Variants in TMCO1 observed in about 807,000 individuals in gnomAD.
TMCO1 encodes the protein calcium load-activated calcium channel.
Under a neutral mutation model 29.3 loss-of-function variants are expected in TMCO1, and 29 were observed. The ratio of observed to expected loss-of-function variants is 0.99; its 90% confidence interval spans 0.74 to 1.35. The LOEUF is 1.35. Among genes scored for constraint, TMCO1 ranks in the 40% most tolerant of loss-of-function variants. TMCO1 has a pLI of 0.00. For missense variants in TMCO1, 173 were observed against 225.5 expected, an observed-to-expected ratio of 0.77 and a Z score of 1.49; for synonymous variants, 80 against 77.1, an observed-to-expected ratio of 1.04 and a Z score of -0.20.
At chr1:165,741,836 C>T (rs1365123639) in intron 6 of TMCO1, among the ~76,000 whole-genome samples, 4 of 152,194 alleles carry the variant, frequency 2.6e-5, no homozygotes, top group African/African-American at 9.6e-5. Context: ...CCACCTCTCT[C>T]TCTTGTTCCT....
intron 5 of TMCO1, among the ~76,000 whole-genome samples, chr1:165,744,830 T>C (rs1571219321): frequency 1.3e-5 from 2 of 151,586 alleles, no homozygotes; most frequent in South Asian, 4.2e-4. Context: ...TCTAAAATCC[T>C]GTTATTTCAA....
intron 3 of TMCO1, among the ~76,000 whole-genome samples, chr1:165,757,331 A>G (rs929105520): frequency 6.6e-6 from 1 of 152,234 alleles, no homozygotes; most frequent in Non-Finnish European, 1.5e-5. Flanking sequence ...GCGTTTTATG[A>G]AGTCCAAAAT....
chr1:165,768,577 C>T, intron 1 of TMCO1, 105 bp downstream of exon 1: 2 of 1,592,770 alleles, frequency 1.3e-6, no homozygotes, highest in Non-Finnish European at 1.7e-6. Context: ...GTAGATGAGC[C>T]TCTCAAGCAA....
chr1:165,758,735 G>A (rs1398695119), intron 3 of TMCO1, among the ~76,000 whole-genome samples: 2 of 90,210 alleles, frequency 2.2e-5, no homozygotes, highest in Non-Finnish European at 5.8e-5. Context: ...GACACATACA[G>A]CGTAAATGTT....
At chr1:165,752,465 C>G (rs970304280) in intron 4 of TMCO1, among the ~76,000 whole-genome samples, 3 of 151,650 alleles carry the variant, frequency 2.0e-5, no homozygotes, top group African/African-American at 7.3e-5. Context: ...CCGTGTTAGC[C>G]AGGATGGTCT....
chr1:165,741,343 T>A (rs1359608386), intron 6 of TMCO1, among the ~76,000 whole-genome samples: 1 of 152,226 alleles, frequency 6.6e-6, no homozygotes, highest in Non-Finnish European at 1.5e-5. Context: ...ACTATTATAA[T>A]AGTCTTTTGA....
chr1:165,730,815 A>C (rs936579184), intron 6 of TMCO1, among the ~76,000 whole-genome samples: 1 of 151,118 alleles, frequency 6.6e-6, no homozygotes, highest in Non-Finnish European at 1.5e-5. Flanking sequence ...GCTGGTCTCA[A>C]ACTCTTGGGC....
At chr1:165,746,985 G>A (rs1651821864) in intron 5 of TMCO1, among the ~76,000 whole-genome samples, 2 of 152,266 alleles carry the variant, frequency 1.3e-5, no homozygotes, top group South Asian at 4.1e-4. Flanking sequence ...AACCTGCTGG[G>A]CATGGTGGCT....
chr1:165,735,295 T>C (rs900372839), intron 6 of TMCO1, among the ~76,000 whole-genome samples: 4 of 152,188 alleles, frequency 2.6e-5, no homozygotes, highest in Non-Finnish European at 5.9e-5. Context: ...ATGTTTTATT[T>C]TTTGAAAATC....
intron 2 of TMCO1, among the ~76,000 whole-genome samples, chr1:165,763,193 T>A (rs895234864): frequency 5.9e-5 from 9 of 152,226 alleles, no homozygotes; most frequent in African/African-American, 2.2e-4. Context: ...CTTGCTTAAA[T>A]TCATACTACG....
intron 6 of TMCO1, among the ~76,000 whole-genome samples, chr1:165,737,627 A>G (rs190649825): frequency 6.6e-6 from 1 of 152,346 alleles, no homozygotes; most frequent in Non-Finnish European, 1.5e-5. Context: ...ATTACTTACG[A>G]GGACACAAAG....
chr1:165,761,043 T>C (rs1462130383), intron 2 of TMCO1, among the ~76,000 whole-genome samples: 1 of 152,180 alleles, frequency 6.6e-6, no homozygotes, highest in Non-Finnish European at 1.5e-5. Context: ...TACATGAAGT[T>C]TGTCCCTGAA....
intron 2 of TMCO1, among the ~76,000 whole-genome samples, chr1:165,760,039 G>C (rs1267906426): frequency 2.6e-5 from 4 of 152,008 alleles, no homozygotes; most frequent in African/African-American, 9.7e-5. Context: ...ACCTTCTAAA[G>C]AATAATCTAG....
intron 6 of TMCO1, among the ~76,000 whole-genome samples, chr1:165,738,033 C>A (rs527691545): frequency 4.6e-5 from 7 of 152,284 alleles, no homozygotes; most frequent in African/African-American, 1.7e-4. Flanking sequence ...TGGAAAGCTG[C>A]CAGGCGTTCA....
chr1:165,764,290 T>C (rs946811397), intron 2 of TMCO1, among the ~76,000 whole-genome samples: 3 of 152,224 alleles, frequency 2.0e-5, no homozygotes, highest in Admixed American at 6.5e-5. Context: ...GTATCTAATA[T>C]GTGCCAGGCA....
intron 6 of TMCO1, among the ~76,000 whole-genome samples, chr1:165,739,100 T>C (rs899228489): frequency 6.6e-6 from 1 of 152,188 alleles, no homozygotes; most frequent in African/African-American, 2.4e-5. Flanking sequence ...AAATTTTTTG[T>C]GTTTTTTGCT....
chr1:165,741,691 T>C (rs559933884), intron 6 of TMCO1, among the ~76,000 whole-genome samples: 15 of 152,340 alleles, frequency 9.8e-5, no homozygotes, highest in African/African-American at 1.9e-4. Flanking sequence ...TCCAGGGTGA[T>C]AATGGTTTGA....
At chr1:165,748,975 T>G (rs761079243) in intron 5 of TMCO1, among the ~76,000 whole-genome samples, 1 of 152,226 alleles carries the variant, frequency 6.6e-6, no homozygotes, top group Admixed American at 6.5e-5. Context: ...CTTAAAATTA[T>G]GCATTTAAGA....
At chr1:165,767,145 C>A (rs937307266) in intron 2 of TMCO1, among the ~76,000 whole-genome samples, 1 of 152,020 alleles carries the variant, frequency 6.6e-6, no homozygotes, top group Non-Finnish European at 1.5e-5. Context: ...ATACGAGTAA[C>A]CACAAATGGT....
Sources: gnomAD v4.1 joint callset for allele counts (sites outside exome capture counted in the v4.1 genomes callset) on GRCh38, gnomAD v4.1.1 for gene constraint, MANE v1.5 for transcripts, NCBI Gene and HGNC (gene_info 2026-07-23, HGNC 2026-07-21) for gene names.